Variants in WWOX observed in about 807,000 individuals in gnomAD.
The protein encoded by WWOX is WW domain-containing oxidoreductase.
In WWOX, 69 loss-of-function variants were observed where a neutral mutation model predicts 46.2. The observed-to-expected ratio is 1.49, with a 90% CI of 1.23 to 1.82. WWOX has a LOEUF of 1.82. Ranked by LOEUF, WWOX falls within the 40% of genes most tolerant of loss-of-function variation. WWOX has a pLI of 0.00. For synonymous variants in WWOX, 359 were observed against 202.6 expected, an observed-to-expected ratio of 1.77 and a Z score of -6.56; for missense variants, 919 against 542.6, an observed-to-expected ratio of 1.69 and a Z score of -6.89.
chr16:78,144,679 C>T (rs1253968412), intron 4 of WWOX, among the ~76,000 whole-genome samples: 3 of 150,190 alleles, frequency 2.0e-5, no homozygotes, highest in East Asian at 3.9e-4. Flanking sequence ...CGCTACCATG[C>T]CCGGCTGATT....
intron 8 of WWOX, among the ~76,000 whole-genome samples, chr16:78,704,135 T>C (rs79462591): frequency 7.2e-6 from 1 of 139,792 alleles, no homozygotes; most frequent in Non-Finnish European, 1.6e-5. Context: ...CAGGCTGTGA[T>C]TTTTTTTTTT....
intron 8 of WWOX, chr16:79,204,322 T>C (rs952707835): frequency 6.6e-6 from 1 of 152,118 alleles, no homozygotes; most frequent in African/African-American, 2.4e-5. Context: ...TAGAACGCTT[T>C]GGGCAGGCAC....
intron 8 of WWOX, among the ~76,000 whole-genome samples, chr16:78,582,814 C>G (rs1387422791): frequency 6.6e-6 from 1 of 152,118 alleles, no homozygotes; most frequent in African/African-American, 2.4e-5. Context: ...TTGCAAAATG[C>G]CCTGAAGACC....
chr16:78,896,796 C>T (rs2044710522), intron 8 of WWOX: 2 of 151,884 alleles, frequency 1.3e-5, no homozygotes, highest in African/African-American at 2.4e-5. Flanking sequence ...TATATGCATA[C>T]ATATACATAT....
At chr16:78,965,561 T>G (rs1597214424) in intron 8 of WWOX, among the ~76,000 whole-genome samples, 1 of 140,394 alleles carries the variant, frequency 7.1e-6, no homozygotes, top group Non-Finnish European at 1.5e-5. Context: ...CGAGCAAAAC[T>G]CCATCTTAAA....
chr16:79,078,961 T>G (rs1794730241), intron 8 of WWOX, among the ~76,000 whole-genome samples: 1 of 152,216 alleles, frequency 6.6e-6, no homozygotes, highest in African/African-American at 2.4e-5. Context: ...GCCCTGAAGT[T>G]ATTTTTCCCC....
At chr16:78,607,445 C>G (rs1424969000) in intron 8 of WWOX, among the ~76,000 whole-genome samples, 3 of 152,040 alleles carry the variant, frequency 2.0e-5, no homozygotes, top group Non-Finnish European at 4.4e-5. Context: ...TAATTAAGCA[C>G]AAATTGTTTC....
intron 5 of WWOX, among the ~76,000 whole-genome samples, chr16:78,271,389 G>A (rs1174403379): frequency 6.6e-6 from 1 of 152,106 alleles, no homozygotes; most frequent in African/African-American, 2.4e-5. Context: ...GTGTGCTGAG[G>A]TTTCACATTG....
chr16:78,748,041 C>G (rs952769786), intron 8 of WWOX, among the ~76,000 whole-genome samples: 18 of 152,168 alleles, frequency 1.2e-4, no homozygotes, highest in African/African-American at 3.6e-4. Flanking sequence ...GGCCAGAGCA[C>G]TTGGGATCTG....
chr16:79,016,917 G>T (rs1290818729), intron 8 of WWOX: 1 of 152,118 alleles, frequency 6.6e-6, no homozygotes. Flanking sequence ...AGGACCTGGG[G>T]TCGAACTCCT....
chr16:78,818,647 C>G (rs1362836502), intron 8 of WWOX, among the ~76,000 whole-genome samples: 5 of 152,306 alleles, frequency 3.3e-5, no homozygotes, highest in African/African-American at 1.2e-4. Flanking sequence ...AGGAGGATCA[C>G]TTGAGCCTCG....
At chr16:78,257,908 A>C (rs2038174735) in intron 5 of WWOX, among the ~76,000 whole-genome samples, 1 of 137,474 alleles carries the variant, frequency 7.3e-6, no homozygotes, top group Non-Finnish European at 1.5e-5. Context: ...GGAACTGAGT[A>C]TGTTTCCAAT....
chr16:79,055,158 G>T (rs2048238697), intron 8 of WWOX, among the ~76,000 whole-genome samples: 1 of 152,194 alleles, frequency 6.6e-6, no homozygotes, highest in Admixed American at 6.5e-5. Context: ...CCTCAGATAT[G>T]CACCTTTTAA....
chr16:79,186,983 A>G (rs1175875852), intron 8 of WWOX, among the ~76,000 whole-genome samples: 1 of 152,236 alleles, frequency 6.6e-6, no homozygotes, highest in Non-Finnish European at 1.5e-5. Context: ...GAAGAATTTC[A>G]AAAGCCAGAA....
At position 78,953,026 on chromosome 16, in the gene WWOX, A is replaced by ATT. The variant is rs34067772; in HGVS notation, c.1057-258571_1057-258570dup. Among the ~76,000 whole-genome samples, 764 of 147,748 alleles carry ATT rather than the reference A, an allele frequency of 5.2e-3. 5 individuals are homozygous for ATT. Among genetic ancestry groups the ATT allele is most frequent in the African/African-American group, 0.016 (661 of 40,338 alleles). ...TGATTTGTGGTTATTGCTTCCCTGG[A>ATT]TTTTTTTTTTTTCCAGTTGTTGTTG... On this transcript the variant is annotated intron_variant, in intron 8 of 8. Transcript: ENST00000566780.
intron 4 of WWOX, among the ~76,000 whole-genome samples, chr16:78,116,738 A>T (rs1052765401): frequency 4.6e-5 from 7 of 152,214 alleles, no homozygotes; most frequent in African/African-American, 1.7e-4. Context: ...ATAATTAAGA[A>T]AAAAGGACTT....
At chr16:78,716,700 C>A (rs867777530) in intron 8 of WWOX, among the ~76,000 whole-genome samples, 1 of 151,970 alleles carries the variant, frequency 6.6e-6, no homozygotes, top group Non-Finnish European at 1.5e-5. Context: ...ATGGGACCAC[C>A]TCCAGAGAGA....
At chr16:79,013,724 C>G (rs2047358507) in intron 8 of WWOX, among the ~76,000 whole-genome samples, 1 of 152,214 alleles carries the variant, frequency 6.6e-6, no homozygotes, top group African/African-American at 2.4e-5. Context: ...CAGATGGGAG[C>G]TCCCGGAAGC....
chr16:78,667,304 C>A (rs1472351144), intron 8 of WWOX, among the ~76,000 whole-genome samples: 1 of 152,180 alleles, frequency 6.6e-6, no homozygotes, highest in South Asian at 2.1e-4. Context: ...CAAGCTTGGA[C>A]AGGCTGACAT....
Sources: gnomAD v4.1 joint callset for allele counts (sites outside exome capture counted in the v4.1 genomes callset) on GRCh38, gnomAD v4.1.1 for gene constraint, MANE v1.5 for transcripts, NCBI Gene and HGNC (gene_info 2026-07-23, HGNC 2026-07-21) for gene names.